The following NSD1 variants were observed in gnomAD, a reference collection of about 807,000 sequenced individuals.
The protein encoded by NSD1 is nuclear receptor binding SET domain protein 1.
Under a neutral mutation model 242.7 loss-of-function variants are expected in NSD1, and 26 were observed. The ratio of observed to expected loss-of-function variants is 0.11; its 90% confidence interval spans 0.08 to 0.15. NSD1 has a LOEUF of 0.15. Ranked by LOEUF, NSD1 falls within the 10% of genes least tolerant of loss-of-function variation. The probability of loss-of-function intolerance (pLI) is 1.00; values close to 1 mark genes in which losing one functional copy is unlikely to be tolerated. For synonymous variants in NSD1, 1,106 were observed against 1,178.1 expected (o/e 0.94, Z 1.25); for missense variants, 2,495 against 3,272.8 (o/e 0.76, Z 5.80).
At chr5:177,255,608 A>G (rs1756370084) in intron 12 of NSD1, among the ~76,000 whole-genome samples, 1 of 151,992 alleles carries the variant, frequency 6.6e-6, no homozygotes. Flanking sequence ...TTTCTGAGAC[A>G]GTCTCCTTCT....
chr5:177,202,007 A>G (rs1335923923), intron 3 of NSD1, among the ~76,000 whole-genome samples: 2 of 151,968 alleles, frequency 1.3e-5, no homozygotes, highest in African/African-American at 4.8e-5. Flanking sequence ...TCTTTACTAA[A>G]AATACAAAAA....
chr5:177,157,045 A>AGG (rs1338456322), intron 2 of NSD1, among the ~76,000 whole-genome samples: 1 of 152,170 alleles, frequency 6.6e-6, no homozygotes, highest in Non-Finnish European at 1.5e-5. Context: ...ATAAGTGAAT[A>AGG]AATAAATGTA....
intron 2 of NSD1, among the ~76,000 whole-genome samples, chr5:177,164,452 C>T (rs974192393): frequency 3.9e-5 from 6 of 151,984 alleles, no homozygotes; most frequent in Non-Finnish European, 8.8e-5. Flanking sequence ...CCACTGCGCC[C>T]GGGCTCAAAA....
At chr5:177,209,335 C>T (rs1303535255) in intron 4 of NSD1, among the ~76,000 whole-genome samples, 2 of 151,634 alleles carry the variant, frequency 1.3e-5, no homozygotes, top group African/African-American at 4.8e-5. Context: ...TGAGACCAGC[C>T]TGGCCAATAT....
chr5:177,184,326 G>T (rs955512550), intron 2 of NSD1, among the ~76,000 whole-genome samples: 1 of 152,156 alleles, frequency 6.6e-6, no homozygotes, highest in East Asian at 1.9e-4. Flanking sequence ...GTTTGAGATG[G>T]TATCTCATTG....
chr5:177,189,877 C>T (rs1761529159), intron 2 of NSD1, among the ~76,000 whole-genome samples: 1 of 152,144 alleles, frequency 6.6e-6, no homozygotes, highest in Admixed American at 6.6e-5. Flanking sequence ...CCCATCGATT[C>T]TTGGTATCTC....
Position 177,268,364 on chromosome 5 carries a change from T to G in NSD1, c.5303+646T>G, listed in dbSNP as rs1005588949. Among the ~76,000 whole-genome samples, 3 of 148,052 alleles carry G rather than the reference T, an allele frequency of 2.0e-5. No individual in the cohort carries two copies. In the South Asian group the frequency reaches 6.8e-4, roughly 33 times the overall value. On this transcript the variant is annotated intron_variant, in intron 15 of 22. Transcript: ENST00000439151. ...TGGGGGGAGGGATAGCATTAGGAGA[T>G]ATACCTAATGCTAAATGACGAGTTA...
chr5:177,205,062 A>G (rs1562198264), intron 4 of NSD1, among the ~76,000 whole-genome samples: 1 of 152,108 alleles, frequency 6.6e-6, no homozygotes, highest in Non-Finnish European at 1.5e-5. Flanking sequence ...TTGGAGACAG[A>G]GTCTCACTCT....
At position 177,210,088 on chromosome 5, in the gene NSD1, T is replaced by C. The variant is rs1193079078; in HGVS notation, c.1689T>C (p.Thr563=). The C allele has an allele frequency of 6.2e-7, 1 of 1,613,450 alleles. No individual in the cohort carries two copies. Among genetic ancestry groups the C allele is most frequent in the Non-Finnish European group, 8.5e-7 (1 of 1,179,844 alleles). ...CAAATAGCCTCACAGGGTCCAACAC[T>C]GCCCCAGGAAGTTTTCTGTTTTCTT... The part of the protein sequence containing the change: ...RIANSLTGSN[T]APGSFLFSSC... The change falls in exon 5 of 23, where the codon ACT becomes ACC. Residue 563 remains threonine (T), a synonymous_variant. Coordinates refer to ENST00000439151, the MANE Select transcript of NSD1 (RefSeq NM_022455.5).
At chr5:177,263,260 A>G (rs1280983390) in intron 14 of NSD1, among the ~76,000 whole-genome samples, 2 of 152,272 alleles carry the variant, frequency 1.3e-5, no homozygotes, top group Non-Finnish European at 2.9e-5. Flanking sequence ...GATTTGTATT[A>G]TCAGGTGTAT....
chr5:177,260,424 G>A (rs1352023149), intron 14 of NSD1, among the ~76,000 whole-genome samples: 1 of 133,528 alleles, frequency 7.5e-6, no homozygotes, highest in Non-Finnish European at 1.5e-5. Context: ...TCAGCTAACT[G>A]CAGCCTCCAC....
At chr5:177,230,524 G>A (rs1353436840) in intron 5 of NSD1, among the ~76,000 whole-genome samples, 1 of 152,030 alleles carries the variant, frequency 6.6e-6, no homozygotes, top group Non-Finnish European at 1.5e-5. Context: ...AGTGGAAACA[G>A]CAATTATAAG....
intron 21 of NSD1, among the ~76,000 whole-genome samples, chr5:177,289,725 CTGT>C (rs1324348789): frequency 1.3e-5 from 2 of 151,996 alleles, no homozygotes; most frequent in Non-Finnish European, 2.9e-5. Flanking sequence ...TTGTGTCTTC[CTGT>C]TTTTTTAGTA....
chr5:177,274,148 C>T (rs542015523), intron 17 of NSD1, among the ~76,000 whole-genome samples: 1 of 151,990 alleles, frequency 6.6e-6, no homozygotes, highest in East Asian at 1.9e-4. Context: ...AGTAAGACTC[C>T]GTCTCCAAAA....
At chr5:177,193,642 T>C (rs1761875397) in intron 3 of NSD1, among the ~76,000 whole-genome samples, 1 of 152,080 alleles carries the variant, frequency 6.6e-6, no homozygotes, top group Non-Finnish European at 1.5e-5. Context: ...AGTTTTAATA[T>C]ATGTATTTTA....
rs10564918 is a variant in NSD1 at position 177,158,998 on chromosome 5, T to TTATATATATATATA, written c.927+22982_927+22995dup. On this transcript the variant is annotated intron_variant, in intron 2 of 22. Transcript: ENST00000439151. ...TATACACACATATATATGAATGATT[T>TTATATATATATATA]TATATATATATATATATATATATAT... Among the ~76,000 whole-genome samples, 141 of 122,572 alleles carry TTATATATATATATA rather than the reference T, an allele frequency of 1.2e-3. 2 individuals carry two copies. Among genetic ancestry groups the TTATATATATATATA allele is most frequent in the African/African-American group, 4.7e-3 (124 of 26,294 alleles). 80.4% of individuals were successfully genotyped at this position (122,572 alleles called of 152,430 possible).
At chr5:177,140,991 G>A (rs1320677221) in intron 2 of NSD1, among the ~76,000 whole-genome samples, 1 of 151,972 alleles carries the variant, frequency 6.6e-6, no homozygotes, top group Non-Finnish European at 1.5e-5. Context: ...CTCTCTCTCC[G>A]ATTCCCTCCT....
intron 21 of NSD1, among the ~76,000 whole-genome samples, chr5:177,289,954 A>C (rs2127272490): frequency 6.6e-6 from 1 of 150,852 alleles, no homozygotes; most frequent in African/African-American, 2.4e-5. Flanking sequence ...CAGCCTCCTG[A>C]GTAGCTGGAA....
At chr5:177,200,158 T>G (rs1762408007) in intron 3 of NSD1, among the ~76,000 whole-genome samples, 1 of 152,072 alleles carries the variant, frequency 6.6e-6, no homozygotes. Flanking sequence ...TGGCAGGATC[T>G]CAGCTCACTG....
Sources: allele counts gnomAD v4.1 joint callset (sites outside exome capture counted in the v4.1 genomes callset), GRCh38; gene constraint gnomAD v4.1.1; transcripts MANE v1.5; gene names NCBI Gene and HGNC (gene_info 2026-07-23, HGNC 2026-07-21).